Variants in SDK1 observed in about 807,000 individuals in gnomAD.
SDK1 encodes protein sidekick-1.
SDK1 carries 157 observed loss-of-function variants against 245.5 expected under a neutral mutation model. The observed-to-expected ratio is 0.64, with a 90% CI of 0.56 to 0.73. The LOEUF is 0.73. Ranked by LOEUF, SDK1 falls within the 30% of genes least tolerant of loss-of-function variation. The pLI, the probability that SDK1 is intolerant of heterozygous loss-of-function variation, is 0.00. For synonymous variants in SDK1, 1,647 were observed against 1,278.5 expected (o/e 1.29, Z -6.15); for missense variants, 3,583 against 3,002.3 (o/e 1.19, Z -4.52).
rs1779257460 is a variant in SDK1 at position 3,301,560 on chromosome 7, C to T, written c.-27C>T. 2.3e-6 allele frequency: 2 copies of T among 853,254 alleles called. No homozygotes were observed. Among genetic ancestry groups the T allele is most frequent in the African/African-American group, 1.9e-5 (1 of 53,408 alleles). 52.9% of individuals were successfully genotyped at this position (853,254 alleles called of 1,614,324 possible). ...GTCCTGCCCGCCCGTCCGTCCGGCG[C>T]GGCGCTCGGGGTGGCGGCTGCTCGG... On this transcript the variant is annotated 5_prime_UTR_variant, in exon 1 of 45. Coordinates refer to ENST00000404826, the MANE Select transcript of SDK1 (RefSeq NM_152744.4).
intron 1 of SDK1, among the ~76,000 whole-genome samples, chr7:3,535,021 C>T (rs1374093465): frequency 6.6e-6 from 1 of 152,284 alleles, no homozygotes. Context: ...CTCCTGTAAT[C>T]CCAGCACTTT....
intron 1 of SDK1, among the ~76,000 whole-genome samples, chr7:3,512,216 A>G (rs1478516684): frequency 3.3e-5 from 5 of 152,052 alleles, no homozygotes; most frequent in African/African-American, 1.2e-4. Context: ...CATACAGAAT[A>G]TAGACTTTTC....
chr7:3,593,266 A>T (rs979521643), intron 1 of SDK1, among the ~76,000 whole-genome samples: 3 of 152,068 alleles, frequency 2.0e-5, no homozygotes, highest in African/African-American at 7.2e-5. Flanking sequence ...TTCTACATAG[A>T]AGCACTGCCC....
intron 12 of SDK1, among the ~76,000 whole-genome samples, chr7:3,972,301 G>A (rs1298688438): frequency 2.6e-5 from 4 of 152,048 alleles, no homozygotes; most frequent in Non-Finnish European, 4.4e-5. Flanking sequence ...GGATGGTCTC[G>A]ATGTCTTGAC....
chr7:3,328,400 C>T (rs1025710978), intron 1 of SDK1, among the ~76,000 whole-genome samples: 1 of 151,962 alleles, frequency 6.6e-6, no homozygotes, highest in African/African-American at 2.4e-5. Flanking sequence ...ATGATGATTT[C>T]ATTTTAGATC....
intron 4 of SDK1, among the ~76,000 whole-genome samples, chr7:3,691,299 T>C (rs1379350162): frequency 2.0e-5 from 3 of 152,344 alleles, no homozygotes; most frequent in African/African-American, 4.8e-5. Context: ...AAATGTCTTA[T>C]GTTGATAGGA....
chr7:3,936,723 G>GA (rs1047340645), intron 5 of SDK1, among the ~76,000 whole-genome samples: 1 of 152,134 alleles, frequency 6.6e-6, no homozygotes, highest in Non-Finnish European at 1.5e-5. Flanking sequence ...CCAATGGGGG[G>GA]AAAAAAAGAA....
intron 1 of SDK1, among the ~76,000 whole-genome samples, chr7:3,363,478 A>G (rs2128561252): frequency 6.6e-6 from 1 of 152,230 alleles, no homozygotes. Context: ...ATAAGTGCCT[A>G]GGAATTCAGT....
chr7:4,076,659 G>A (rs1780699570), intron 20 of SDK1, among the ~76,000 whole-genome samples: 1 of 152,356 alleles, frequency 6.6e-6, no homozygotes, highest in South Asian at 2.1e-4. Flanking sequence ...AGCACAGCAG[G>A]CTGGCAGCTG....
chr7:4,167,235 C>G (rs1781553073), intron 32 of SDK1, among the ~76,000 whole-genome samples: 1 of 151,988 alleles, frequency 6.6e-6, no homozygotes, highest in Admixed American at 6.6e-5. Context: ...ACCAAAAATA[C>G]AAAAATTAGC....
chr7:3,338,206 G>T, intron 1 of SDK1: 1 of 269,538 alleles, frequency 3.7e-6, no homozygotes, highest in South Asian at 7.0e-5. Flanking sequence ...TGTTCTTTTG[G>T]CCACATACCT....
rs562563559 is a variant in SDK1 at position 3,500,268 on chromosome 7, T to C, written c.299-118812T>C. On this transcript the variant is annotated intron_variant, in intron 1 of 44. Transcript: ENST00000404826. ...TATTTGTACTGAGTCTCCTTTCTTA[T>C]ATCCCCTATTTTCTCCTTCTTGGAC... Among the ~76,000 whole-genome samples, 142 of 152,340 alleles carry C rather than the reference T, an allele frequency of 9.3e-4. 2 individuals are homozygous for C. The highest frequency in any genetic ancestry group is 3.2e-3 in the African/African-American group (133 of 41,582).
At chr7:3,865,253 C>A (rs115432131) in intron 5 of SDK1, among the ~76,000 whole-genome samples, 1 of 152,132 alleles carries the variant, frequency 6.6e-6, no homozygotes, top group South Asian at 2.1e-4. Context: ...TGTGGGAGGC[C>A]TGGTGATCCT....
intron 1 of SDK1, among the ~76,000 whole-genome samples, chr7:3,376,886 C>G (rs1010319078): frequency 2.0e-5 from 3 of 151,962 alleles, no homozygotes; most frequent in Non-Finnish European, 4.4e-5. Flanking sequence ...TCTATTGTCT[C>G]TCTTTCCAGT....
At chr7:3,789,051 C>G (rs929428915) in intron 4 of SDK1, among the ~76,000 whole-genome samples, 4 of 152,168 alleles carry the variant, frequency 2.6e-5, no homozygotes, top group Admixed American at 1.3e-4. Context: ...TGACCATATA[C>G]AAGATATGAT....
At chr7:4,083,146 T>G (rs770934633) in intron 22 of SDK1, among the ~76,000 whole-genome samples, 2 of 152,194 alleles carry the variant, frequency 1.3e-5, no homozygotes, top group South Asian at 2.1e-4. Flanking sequence ...ATGGACAGTT[T>G]GACAGCTTTT....
At chr7:3,522,345 C>CAT (rs1289962497) in intron 1 of SDK1, among the ~76,000 whole-genome samples, 1 of 152,192 alleles carries the variant, frequency 6.6e-6, no homozygotes, top group Non-Finnish European at 1.5e-5. Flanking sequence ...GATCACCCAG[C>CAT]ATGTCAGTGT....
intron 1 of SDK1, among the ~76,000 whole-genome samples, chr7:3,557,217 G>C (rs1293134249): frequency 6.6e-6 from 1 of 152,102 alleles, no homozygotes; most frequent in Admixed American, 6.5e-5. Context: ...ACAAAATCGA[G>C]AGGAAAAGAG....
chr7:3,954,884 A>G (rs1004523300), intron 7 of SDK1, among the ~76,000 whole-genome samples: 8 of 152,042 alleles, frequency 5.3e-5, no homozygotes, highest in African/African-American at 1.4e-4. Flanking sequence ...CTATTTACCA[A>G]TAATCAGTTA....
Sources: allele counts gnomAD v4.1 joint callset (sites outside exome capture counted in the v4.1 genomes callset), GRCh38; gene constraint gnomAD v4.1.1; transcripts MANE v1.5; gene names NCBI Gene and HGNC (gene_info 2026-07-23, HGNC 2026-07-21).